Variants in ICA1 observed in about 807,000 individuals in gnomAD.
The protein encoded by ICA1 is 69 kDa islet cell autoantigen.
Under a neutral mutation model 71.0 loss-of-function variants are expected in ICA1, and 40 were observed. The ratio of observed to expected loss-of-function variants is 0.56; its 90% CI spans 0.44 to 0.73. ICA1 has a LOEUF of 0.73. Ranked by LOEUF, ICA1 falls within the 30% of genes least tolerant of loss-of-function variation. ICA1 has a pLI of 0.00. For missense variants in ICA1, 578 were observed against 576.5 expected, an observed-to-expected ratio of 1.00 and a Z score of -0.03; for synonymous variants, 207 against 209.5, an observed-to-expected ratio of 0.99 and a Z score of 0.10.
intron 6 of ICA1, among the ~76,000 whole-genome samples, chr7:8,164,131 C>T (rs1318533933): frequency 6.6e-6 from 1 of 151,542 alleles, no homozygotes; most frequent in East Asian, 1.9e-4. Flanking sequence ...ATGGTGAAAC[C>T]CCGTCTCTAC....
intron 6 of ICA1, among the ~76,000 whole-genome samples, chr7:8,163,954 G>T (rs942247547): frequency 6.6e-6 from 1 of 152,124 alleles, no homozygotes; most frequent in Non-Finnish European, 1.5e-5. Flanking sequence ...CCTATTTTCA[G>T]TTTGAAAGAT....
intron 6 of ICA1, among the ~76,000 whole-genome samples, chr7:8,212,781 C>A (rs2098403296): frequency 6.6e-6 from 1 of 152,136 alleles, no homozygotes; most frequent in African/African-American, 2.4e-5. Flanking sequence ...CAGCAGCCAG[C>A]CAGCCACCAG....
In ICA1 at chr7:8,127,894, CT is replaced by C; in HGVS notation, c.1308del (p.Asp437ThrfsTer16). The C allele has an allele frequency of 6.2e-7, 1 of 1,614,040 alleles. No individual in the cohort carries two copies. Among genetic ancestry groups the C allele is most frequent in the Non-Finnish European group, 8.5e-7 (1 of 1,179,968 alleles). The part of the protein sequence containing the change: ...LPSQLLDQNM[K>X]DLQASLQEPA... ...CTACCTTGTAGCGAGGCCTGTAAGT[CT>C]TTCATATTTTGGTCTAAAAGCTGCG... On this transcript the variant is annotated frameshift_variant, in exon 13 of 14. Transcript: ENST00000402384. LOFTEE classifies it high-confidence loss of function.
chr7:8,233,685 C>G (rs368983851), intron 2 of ICA1, among the ~76,000 whole-genome samples: 3 of 152,088 alleles, frequency 2.0e-5, no homozygotes, highest in Non-Finnish European at 2.9e-5. Context: ...TATGAGCCAC[C>G]GCGCCCAGCC....
intron 8 of ICA1, among the ~76,000 whole-genome samples, chr7:8,153,725 A>G (rs1210542417): frequency 6.6e-6 from 1 of 151,962 alleles, no homozygotes; most frequent in Non-Finnish European, 1.5e-5. Flanking sequence ...AGTTCTGGCT[A>G]GTAATATTCC....
rs781212935 is a variant in ICA1 at position 8,232,761 on chromosome 7, A to G, written c.18-6T>C. 3 of 1,580,682 alleles carry G rather than the reference A, an allele frequency of 1.9e-6. No homozygotes were observed. In the African/African-American group the frequency reaches 4.1e-5, roughly 22 times the overall value. On this transcript the variant is annotated splice_region_variant and splice_polypyrimidine_tract_variant and intron_variant, in intron 2 of 13. Transcript: ENST00000402384. ...GTAAGTCCCAGGGATAACTGCTAAA[A>G]ACATTTAAAGAACTATTTTATTCAC...
At chr7:8,134,982 A>G (rs1223948453) in intron 12 of ICA1, among the ~76,000 whole-genome samples, 2 of 152,080 alleles carry the variant, frequency 1.3e-5, no homozygotes, top group East Asian at 3.9e-4. Context: ...ACTGAAAAAC[A>G]TAAAACCTAG....
intron 7 of ICA1, chr7:8,157,448 A>G (rs1562737627): frequency 1.1e-5 from 5 of 474,462 alleles, no homozygotes; most frequent in Non-Finnish European, 1.5e-5. Flanking sequence ...CACCTGGGAC[A>G]TTCTCCTCTC....
rs1794359120 is a variant in ICA1 at position 8,139,121 on chromosome 7, A to C, written c.956-74T>G. The C allele has an allele frequency of 2.6e-6, 3 of 1,175,502 alleles. No homozygotes were observed. In the Admixed American group the frequency reaches 5.3e-5, roughly 21 times the overall value. The allele number at this position is 1,175,502 out of a possible 1,614,324, so 72.8% of individuals were successfully genotyped here. ...CATGTTCATACGCTATTGCAGTGTA[A>C]GGTAAATGCACGGCTTCAGGAAGAA... On this transcript the variant is annotated intron_variant, in intron 10 of 13. Coordinates refer to ENST00000402384, the MANE Select transcript of ICA1 (RefSeq NM_001136020.3).
chr7:8,125,324 T>C (rs963213671), intron 13 of ICA1, among the ~76,000 whole-genome samples: 2 of 152,192 alleles, frequency 1.3e-5, no homozygotes, highest in Non-Finnish European at 2.9e-5. Flanking sequence ...TCCCCCTTGC[T>C]TAGTCAGCTC....
chr7:8,250,474 G>A (rs1031986669), intron 1 of ICA1, among the ~76,000 whole-genome samples: 3 of 152,156 alleles, frequency 2.0e-5, no homozygotes, highest in Non-Finnish European at 4.4e-5. Flanking sequence ...ACACGATTTT[G>A]ATGAGTTTTT....
intron 8 of ICA1, among the ~76,000 whole-genome samples, chr7:8,148,754 C>A (rs1464338748): frequency 2.6e-5 from 4 of 151,568 alleles, no homozygotes; most frequent in Non-Finnish European, 4.4e-5. Flanking sequence ...TTTGATATAG[C>A]AAGGAAAAAA....
chr7:8,220,956 C>T (rs1391252868), intron 5 of ICA1, among the ~76,000 whole-genome samples: 5 of 151,968 alleles, frequency 3.3e-5, no homozygotes, highest in Admixed American at 3.3e-4. Context: ...GGGGACCAGA[C>T]TGATTGCTAC....
chr7:8,154,088 T>C (rs981577085), intron 8 of ICA1, among the ~76,000 whole-genome samples: 11 of 151,948 alleles, frequency 7.2e-5, no homozygotes, highest in Admixed American at 2.6e-4. Context: ...TGAAGGAATG[T>C]GTCAGTAAAA....
At chr7:8,115,143 TA>T (rs1031078295) in intron 13 of ICA1, among the ~76,000 whole-genome samples, 1 of 152,166 alleles carries the variant, frequency 6.6e-6, no homozygotes, top group Non-Finnish European at 1.5e-5. Flanking sequence ...CCTCTTTTTG[TA>T]AAAAAAGTCT....
intron 6 of ICA1, among the ~76,000 whole-genome samples, chr7:8,164,352 A>G (rs570122074): frequency 6.6e-6 from 1 of 151,650 alleles, no homozygotes; most frequent in South Asian, 2.1e-4. Context: ...AGTCAAGAGG[A>G]AAGATGTTAG....
chr7:8,187,977 G>T (rs1784409560), intron 6 of ICA1, among the ~76,000 whole-genome samples: 1 of 152,178 alleles, frequency 6.6e-6, no homozygotes, highest in Non-Finnish European at 1.5e-5. Context: ...ACCTGCCTGA[G>T]ATTATACTGC....
intron 12 of ICA1, among the ~76,000 whole-genome samples, chr7:8,131,206 T>C (rs764563411): frequency 7.9e-5 from 12 of 152,256 alleles, no homozygotes; most frequent in Non-Finnish European, 1.5e-4. Flanking sequence ...CCTCAAGAAG[T>C]GGAGAGAGAA....
chr7:8,221,785 A>T (rs539155950), intron 4 of ICA1, among the ~76,000 whole-genome samples: 4 of 152,262 alleles, frequency 2.6e-5, no homozygotes, highest in African/African-American at 9.6e-5. Flanking sequence ...GCTGCCTCTC[A>T]TTATTCTCTC....
Sources: allele counts gnomAD v4.1 joint callset (sites outside exome capture counted in the v4.1 genomes callset), GRCh38; gene constraint gnomAD v4.1.1; transcripts MANE v1.5; gene names NCBI Gene and HGNC (gene_info 2026-07-23, HGNC 2026-07-21).